AFF3: variants seen among roughly 807,000 people sequenced by gnomAD.
AFF3 encodes ALF transcription elongation factor 3.
In AFF3, 32 loss-of-function variants were observed where a neutral mutation model predicts 129.7. That is an observed-to-expected ratio of 0.25 (90% CI 0.19 to 0.33). The LOEUF (loss-of-function observed/expected upper bound fraction) is 0.33. Ranked by LOEUF, AFF3 falls within the 10% of genes least tolerant of loss-of-function variation. AFF3 has a pLI of 1.00. For missense variants in AFF3, 1,373 were observed against 1,592.0 expected (o/e 0.86, Z 2.34); for synonymous variants, 644 against 635.4 (o/e 1.01, Z -0.20).
At chr2:99,987,188 T>C (rs1679951126) in intron 7 of AFF3, among the ~76,000 whole-genome samples, 1 of 152,234 alleles carries the variant, frequency 6.6e-6, no homozygotes, top group African/African-American at 2.4e-5. Context: ...TTCAATATTG[T>C]TGCAAAGGCT....
intron 7 of AFF3, among the ~76,000 whole-genome samples, chr2:99,873,821 A>T (rs967479179): frequency 2.6e-5 from 4 of 150,956 alleles, no homozygotes; most frequent in Non-Finnish European, 4.4e-5. Context: ...TTTTCCTGAG[A>T]TTGTTAGAGA....
At chr2:99,981,018 T>G (rs988598182) in intron 7 of AFF3, among the ~76,000 whole-genome samples, 1 of 152,206 alleles carries the variant, frequency 6.6e-6, no homozygotes, top group Non-Finnish European at 1.5e-5. Flanking sequence ...TGTGGTTTTT[T>G]GTTTTGTTTT....
chr2:99,574,606 T>A (rs1197086970), intron 18 of AFF3, among the ~76,000 whole-genome samples: 1 of 152,236 alleles, frequency 6.6e-6, no homozygotes, highest in Admixed American at 6.5e-5. Flanking sequence ...CATTCAACAC[T>A]TGTTATTGAG....
intron 7 of AFF3, among the ~76,000 whole-genome samples, chr2:99,989,975 TTG>T (rs1202636649): frequency 6.6e-6 from 1 of 152,134 alleles, no homozygotes; most frequent in Non-Finnish European, 1.5e-5. Flanking sequence ...TGTAATTGAG[TTG>T]TGTTTCATCA....
At chr2:99,616,289 C>T (rs2105259307) in intron 13 of AFF3, among the ~76,000 whole-genome samples, 1 of 152,106 alleles carries the variant, frequency 6.6e-6, no homozygotes, top group South Asian at 2.1e-4. Flanking sequence ...CTTCCATCCT[C>T]ATGGAAACTC....
intron 7 of AFF3, among the ~76,000 whole-genome samples, chr2:99,968,000 A>G (rs998780571): frequency 6.6e-6 from 1 of 152,178 alleles, no homozygotes; most frequent in Admixed American, 6.5e-5. Context: ...CCATGTTCTA[A>G]AGAACAAAGC....
chr2:100,127,489 G>A (rs1422601092), intron 2 of AFF3, among the ~76,000 whole-genome samples: 4 of 152,192 alleles, frequency 2.6e-5, no homozygotes, highest in African/African-American at 9.6e-5. Context: ...GGGGTCTTCT[G>A]GTTCCTTGCG....
At chr2:99,884,259 T>C (rs1327731528) in intron 7 of AFF3, among the ~76,000 whole-genome samples, 2 of 152,264 alleles carry the variant, frequency 1.3e-5, no homozygotes, top group East Asian at 1.9e-4. Flanking sequence ...TTATACATTA[T>C]GGAATGATTA....
chr2:99,793,233 A>G (rs1685322045), intron 8 of AFF3, among the ~76,000 whole-genome samples: 1 of 152,212 alleles, frequency 6.6e-6, no homozygotes, highest in African/African-American at 2.4e-5. Context: ...CTCCCTCTCA[A>G]TGTGACACGC....
chr2:99,644,156 T>C (rs948821262), intron 13 of AFF3, among the ~76,000 whole-genome samples: 4 of 152,330 alleles, frequency 2.6e-5, no homozygotes, highest in Admixed American at 6.5e-5. Flanking sequence ...ATCTTGGGCC[T>C]GAGATACTGC....
At chr2:99,958,460 G>C (rs938672433) in intron 7 of AFF3, among the ~76,000 whole-genome samples, 1 of 151,040 alleles carries the variant, frequency 6.6e-6, no homozygotes, top group African/African-American at 2.4e-5. Context: ...ACTCCAGCCT[G>C]GGTGACAGAG....
chr2:99,550,400 A>G lies in AFF3; in HGVS notation c.*1074T>C, dbSNP rs1674325586. On this transcript the variant is annotated 3_prime_UTR_variant, in exon 25 of 25. Transcript: ENST00000672756. ...CACATTCTGCATGAGGAGTGAGAGA[A>G]TCAGCATTATCATGGCAAATAGCTC... The G allele has an allele frequency of 4.3e-6, 1 of 230,282 alleles. No homozygotes were observed. Among genetic ancestry groups the G allele is most frequent in the South Asian group, 1.8e-4 (1 of 5,508 alleles). 14.3% of individuals were successfully genotyped at this position (230,282 alleles called of 1,614,324 possible). A position where few individuals can be genotyped will look rare whatever the true frequency, so the allele number is the denominator to read the frequency against.
In AFF3 at chr2:99,594,011, C is replaced by T. The variant is rs1464772373; in HGVS notation, c.1650G>A (p.Pro550=). The T allele has an allele frequency of 1.9e-6, 3 of 1,573,450 alleles. No homozygotes were observed. The stretch of plus-strand genomic sequence containing the variant: ...TCACCGCCACGGCCACGGCCGCGGG[C>T]GGGGACTTCTGCTTCACGCCTTTAC... ...PGSKGVKQKS[P]PAAVAVAVSA... is the part of the protein sequence containing the mutation. The change falls in exon 15 of 25, where the codon CCG becomes CCA. Residue 550 remains proline, a synonymous_variant. Coordinates refer to ENST00000672756, the MANE Select transcript of AFF3 (RefSeq NM_001386135.1).
intron 8 of AFF3, among the ~76,000 whole-genome samples, chr2:99,791,943 A>T (rs1685224767): frequency 6.6e-6 from 1 of 151,944 alleles, no homozygotes; most frequent in Non-Finnish European, 1.5e-5. Flanking sequence ...AAATAAGTGC[A>T]TCAGATATGC....
chr2:99,730,419 A>G (rs138418317), intron 10 of AFF3, among the ~76,000 whole-genome samples: 5 of 152,192 alleles, frequency 3.3e-5, no homozygotes, highest in African/African-American at 1.2e-4. Flanking sequence ...TTCCATCAAT[A>G]GTGTCATATA....
intron 8 of AFF3, among the ~76,000 whole-genome samples, chr2:99,753,974 T>C (rs924443166): frequency 2.0e-5 from 3 of 152,124 alleles, no homozygotes; most frequent in Non-Finnish European, 4.4e-5. Context: ...GGCATCTTTG[T>C]CCATGGAGTC....
At chr2:100,036,753 T>A (rs564848530) in intron 4 of AFF3, among the ~76,000 whole-genome samples, 3 of 144,318 alleles carry the variant, frequency 2.1e-5, no homozygotes, top group African/African-American at 7.8e-5. Context: ...ATCAGAGAAA[T>A]ATGAGTTGGG....
intron 8 of AFF3, among the ~76,000 whole-genome samples, chr2:99,806,744 T>C (rs1431621774): frequency 6.6e-6 from 1 of 152,210 alleles, no homozygotes; most frequent in Non-Finnish European, 1.5e-5. Context: ...TTCCTCTTAA[T>C]GCATCTTTGT....
intron 11 of AFF3, among the ~76,000 whole-genome samples, chr2:99,695,962 C>CAAAAAAAAAAAA (rs1676212587): frequency 1.1e-5 from 1 of 90,068 alleles, no homozygotes; most frequent in African/African-American, 5.1e-5. Context: ...AAAAAAAAAC[C>CAAAAAAAAAAAA]AAAAGAAAAA....
Sources: allele counts gnomAD v4.1 joint callset (sites outside exome capture counted in the v4.1 genomes callset), GRCh38; gene constraint gnomAD v4.1.1; transcripts MANE v1.5; gene names NCBI Gene and HGNC (gene_info 2026-07-23, HGNC 2026-07-21).